Variants in BLTP1 observed in about 807,000 individuals in gnomAD.
BLTP1 encodes the protein fragile site-associated protein.
chr4:122,349,720 G>A, the BLTP1 span: 1 of 1,531,414 alleles, frequency 6.5e-7, no homozygotes, highest in Non-Finnish European at 8.8e-7. The surrounding 1 kb of genome is among the most constrained non-coding windows in gnomAD (Gnocchi z 4.5). Context: ...TGAGAAAACA[G>A]CAATTTTTCT....
At chr4:122,192,857 A>G in the BLTP1 span, among the ~76,000 whole-genome samples, 9 of 152,226 alleles carry the variant, frequency 5.9e-5, no homozygotes, top group African/African-American at 2.2e-4. Context: ...GTACTCTACT[A>G]GTTTGCTAGG....
chr4:122,328,769 C>A, the BLTP1 span: 1 of 982,464 alleles, frequency 1.0e-6, no homozygotes, highest in Non-Finnish European at 1.2e-6. Context: ...AAGACTTAAG[C>A]AAATTCTTAG....
chr4:122,263,107 A>G, the BLTP1 span: 1 of 1,385,560 alleles, frequency 7.2e-7, no homozygotes, highest in Non-Finnish European at 9.5e-7. Context: ...CTTATCTTTG[A>G]GAAAAAATTT....
chr4:122,350,742 C>CT, the BLTP1 span, among the ~76,000 whole-genome samples: 5 of 152,220 alleles, frequency 3.3e-5, no homozygotes, highest in East Asian at 9.7e-4. Context: ...AAGAACAAGG[C>CT]TAAGATGTGG....
At chr4:122,188,027 C>T in the BLTP1 span, 1 of 1,585,756 alleles carries the variant, frequency 6.3e-7, no homozygotes, top group Non-Finnish European at 8.6e-7. Context: ...GAAAGGAAAG[C>T]TTGAAAATGT....
chr4:122,170,792 T>G, the BLTP1 span: 1 of 1,310,902 alleles, frequency 7.6e-7, no homozygotes, highest in Non-Finnish European at 1.1e-6. Flanking sequence ...AAGTATGGAT[T>G]AACAGCTGCC....
chr4:122,220,572 T>C, the BLTP1 span: 1 of 969,216 alleles, frequency 1.0e-6, no homozygotes, highest in East Asian at 2.8e-5. Flanking sequence ...TTGTAGCTCT[T>C]TAAGTTGGAG....
the BLTP1 span, chr4:122,256,176 A>C: frequency 1.0e-6 from 1 of 985,036 alleles, no homozygotes; most frequent in South Asian, 4.7e-5. Flanking sequence ...CCAATGTATC[A>C]GTATTATTAA....
At chr4:122,270,646 AG>A in the BLTP1 span, among the ~76,000 whole-genome samples, 3 of 151,408 alleles carry the variant, frequency 2.0e-5, no homozygotes, top group Non-Finnish European at 2.9e-5. Context: ...AGATTGTAGG[AG>A]GGGGGGATGG....
the BLTP1 span, among the ~76,000 whole-genome samples, chr4:122,241,216 G>A: frequency 1.3e-5 from 2 of 152,148 alleles, no homozygotes; most frequent in Non-Finnish European, 2.9e-5. Flanking sequence ...GGACCTAGGG[G>A]CACTGCATTT....
chr4:122,225,522 G>A, the BLTP1 span: 1 of 152,046 alleles, frequency 6.6e-6, no homozygotes, highest in Admixed American at 6.6e-5. Flanking sequence ...TAATTTAGAG[G>A]TAGGTAGTAG....
At chr4:122,234,762 G>A in the BLTP1 span, 1 of 1,549,824 alleles carries the variant, frequency 6.5e-7, no homozygotes, top group Non-Finnish European at 8.7e-7. Context: ...TTTCTTTTGG[G>A]GTCGGTTTAG....
At chr4:122,201,839 C>T in the BLTP1 span, 4 of 979,858 alleles carry the variant, frequency 4.1e-6, no homozygotes, top group African/African-American at 7.0e-5. Flanking sequence ...TCCATCCATC[C>T]ATCCATTTGT....
At chr4:122,273,436 A>T in the BLTP1 span, 8 of 984,764 alleles carry the variant, frequency 8.1e-6, no homozygotes, top group Non-Finnish European at 2.4e-6. Context: ...CCCTGGAAAT[A>T]TCACAAAGGA....
At chr4:122,254,961 TC>T in the BLTP1 span, 1 of 1,591,196 alleles carries the variant, frequency 6.3e-7, no homozygotes, top group South Asian at 1.1e-5. Context: ...TAGAGGTATG[TC>T]TTTAAATAAT....
At chr4:122,327,063 CTG>C in the BLTP1 span, among the ~76,000 whole-genome samples, 2 of 151,510 alleles carry the variant, frequency 1.3e-5, no homozygotes, top group South Asian at 4.1e-4. Context: ...CTCTGTGACT[CTG>C]TGAAGCTGGG....
chr4:122,328,110 G>T, the BLTP1 span: 1 of 1,563,460 alleles, frequency 6.4e-7, no homozygotes, highest in South Asian at 1.2e-5. Flanking sequence ...TCAGTTTCCA[G>T]AGGAGACAGA....
At chr4:122,249,567 T>G in the BLTP1 span, 1 of 1,613,696 alleles carries the variant, frequency 6.2e-7, no homozygotes, top group Non-Finnish European at 8.5e-7. Context: ...ATGAATTTAC[T>G]TTTGTGGATG....
the BLTP1 span, among the ~76,000 whole-genome samples, chr4:122,251,860 C>G: frequency 1.3e-5 from 2 of 152,116 alleles, no homozygotes; most frequent in African/African-American, 4.8e-5. Flanking sequence ...ATTTCATTTC[C>G]TAGGTCAGTT....
Sources: gnomAD v4.1 joint callset for allele counts (sites outside exome capture counted in the v4.1 genomes callset) on GRCh38, gnomAD v4.1.1 for gene constraint, Gnocchi (gnomAD v3.1) non-coding constraint, MANE v1.5 for transcripts, NCBI Gene and HGNC (gene_info 2026-07-23, HGNC 2026-07-21) for gene names.